The following BICC1 variants were observed in gnomAD, a reference collection of about 807,000 sequenced individuals.
BICC1 encodes protein bicaudal C homolog 1.
Under a neutral mutation model 111.0 loss-of-function variants are expected in BICC1, and 43 were observed. The observed-to-expected ratio is 0.39, with a 90% CI of 0.30 to 0.50. The LOEUF (loss-of-function observed/expected upper bound fraction) is 0.50, where lower values mean the gene tolerates loss of function less well. BICC1 is among the 20% of genes least tolerant of loss of function. BICC1 has a pLI of 0.88. For synonymous variants in BICC1, 467 were observed against 434.4 expected (o/e 1.07, Z -0.93); for missense variants, 1,091 against 1,203.2 (o/e 0.91, Z 1.38).
intron 3 of BICC1, among the ~76,000 whole-genome samples, chr10:58,784,422 G>GT (rs572748497): frequency 4.1e-4 from 63 of 152,032 alleles, no homozygotes; most frequent in African/African-American, 1.3e-3. Context: ...GAAAGTTAAG[G>GT]TTTTTTTTCT....
intron 2 of BICC1, among the ~76,000 whole-genome samples, chr10:58,696,052 T>C (rs963844254): frequency 1.3e-5 from 2 of 152,192 alleles, no homozygotes; most frequent in Non-Finnish European, 2.9e-5. Flanking sequence ...TTTGTAATTC[T>C]AGCTTTTGTA....
chr10:58,721,608 A>C (rs1840942605), intron 3 of BICC1, among the ~76,000 whole-genome samples: 1 of 152,206 alleles, frequency 6.6e-6, no homozygotes, highest in South Asian at 2.1e-4. Flanking sequence ...TCTCAAGTGG[A>C]ACATAGGCAC....
chr10:58,517,056 C>G (rs564700162), intron 1 of BICC1, among the ~76,000 whole-genome samples: 1 of 151,816 alleles, frequency 6.6e-6, no homozygotes, highest in Non-Finnish European at 1.5e-5. Flanking sequence ...ATTAAAAATT[C>G]CCATATATAA....
chr10:58,698,430 G>A (rs999433908), intron 2 of BICC1, among the ~76,000 whole-genome samples: 1 of 152,036 alleles, frequency 6.6e-6, no homozygotes, highest in African/African-American at 2.4e-5. Context: ...TTTCTCCAGT[G>A]AGCCAACTTT....
In BICC1 at chr10:58,517,673, G is replaced by A. The variant is rs1363925077; in HGVS notation, c.190+4340G>A. On this transcript the variant is annotated intron_variant, in intron 1 of 20. Coordinates refer to ENST00000373886, the MANE Select transcript of BICC1 (RefSeq NM_001080512.3). ...AGCACAGGGCTGTGGGCCAAATCTAGATTTGAATCTTGATGCTACATTTTA... is the reference window on the plus strand; with the variant it reads ...AGCACAGGGCTGTGGGCCAAATCTAAATTTGAATCTTGATGCTACATTTTA... Among the ~76,000 whole-genome samples, 14 of 152,324 alleles carry A rather than the reference G, an allele frequency of 9.2e-5. No homozygotes were observed. In the East Asian group the frequency reaches 2.7e-3, roughly 29 times the overall value.
intron 2 of BICC1, among the ~76,000 whole-genome samples, chr10:58,629,188 T>C (rs1273959718): frequency 6.6e-6 from 1 of 152,186 alleles, no homozygotes; most frequent in Non-Finnish European, 1.5e-5. Context: ...TAAAGTAACA[T>C]GTAGTAAAGA....
intron 2 of BICC1, among the ~76,000 whole-genome samples, chr10:58,628,489 A>G (rs1279684697): frequency 6.6e-6 from 1 of 152,014 alleles, no homozygotes. Context: ...GAGGTGTAAA[A>G]TTTTTTTAAG....
intron 3 of BICC1, among the ~76,000 whole-genome samples, chr10:58,746,931 G>A (rs1841852069): frequency 6.6e-6 from 1 of 152,158 alleles, no homozygotes; most frequent in Non-Finnish European, 1.5e-5. Context: ...TGGCAACAGA[G>A]TAGTACTTCA....
chr10:58,763,819 G>A (rs902756075), intron 3 of BICC1, among the ~76,000 whole-genome samples: 2 of 151,940 alleles, frequency 1.3e-5, no homozygotes, highest in African/African-American at 4.8e-5. Flanking sequence ...TGGAATAGAG[G>A]CCTAAACTAG....
intron 3 of BICC1, among the ~76,000 whole-genome samples, chr10:58,735,875 C>T (rs559386377): frequency 6.6e-6 from 1 of 152,148 alleles, no homozygotes; most frequent in African/African-American, 2.4e-5. Context: ...TTAGCTCGAC[C>T]CCAAATAAAC....
chr10:58,732,349 GTGTA>G (rs1308369739), intron 3 of BICC1, among the ~76,000 whole-genome samples: 22 of 61,032 alleles, frequency 3.6e-4, no homozygotes, highest in South Asian at 7.0e-4. Context: ...AGGAAGAGGA[GTGTA>G]TGTGTGTGTG....
chr10:58,805,718 T>C (rs1843690747), intron 15 of BICC1, among the ~76,000 whole-genome samples: 5 of 152,230 alleles, frequency 3.3e-5, no homozygotes, highest in African/African-American at 7.2e-5. Context: ...ACCTTATATA[T>C]GATGGTATAG....
intron 19 of BICC1, among the ~76,000 whole-genome samples, 197 bp downstream of exon 19, chr10:58,817,919 T>C (rs916354591): frequency 6.6e-6 from 1 of 152,126 alleles, no homozygotes; most frequent in East Asian, 1.9e-4. Flanking sequence ...ATAGCAGAAA[T>C]AGAGAAAATC....
chr10:58,657,319 A>G (rs1838690337), intron 2 of BICC1, among the ~76,000 whole-genome samples: 1 of 152,154 alleles, frequency 6.6e-6, no homozygotes, highest in Non-Finnish European at 1.5e-5. Context: ...TGCATGCATC[A>G]CTGCTCTGCA....
chr10:58,517,865 T>G (rs1293506521), intron 1 of BICC1, among the ~76,000 whole-genome samples: 1 of 152,222 alleles, frequency 6.6e-6, no homozygotes, highest in Non-Finnish European at 1.5e-5. Context: ...CTAATAACAA[T>G]ATTCACAGTA....
chr10:58,730,452 T>A (rs1841252593), intron 3 of BICC1, among the ~76,000 whole-genome samples: 1 of 152,040 alleles, frequency 6.6e-6, no homozygotes, highest in Non-Finnish European at 1.5e-5. Context: ...TGCCAGTGGT[T>A]TACCCTTCCA....
At chr10:58,785,436 G>A (rs1417330740) in intron 4 of BICC1, among the ~76,000 whole-genome samples, 1 of 152,046 alleles carries the variant, frequency 6.6e-6, no homozygotes, top group Non-Finnish European at 1.5e-5. Context: ...AAGGATTGTA[G>A]GAATTAGATT....
At chr10:58,537,717 A>C (rs1484446251) in intron 1 of BICC1, among the ~76,000 whole-genome samples, 1 of 151,700 alleles carries the variant, frequency 6.6e-6, no homozygotes, top group Non-Finnish European at 1.5e-5. Flanking sequence ...TGATGTGATC[A>C]TATACCTAGA....
At chr10:58,514,289 C>A (rs10763553) in intron 1 of BICC1, among the ~76,000 whole-genome samples, 77,705 of 152,026 alleles carry the variant, frequency 0.51, 20,336 homozygotes, top group African/African-American at 0.61. Flanking sequence ...TCTTAAAATA[C>A]GTGTACGGGA....
Sources: allele counts gnomAD v4.1 joint callset (sites outside exome capture counted in the v4.1 genomes callset), GRCh38; gene constraint gnomAD v4.1.1; transcripts MANE v1.5; gene names NCBI Gene and HGNC (gene_info 2026-07-23, HGNC 2026-07-21).